Variants in KCTD19 observed in about 807,000 individuals in gnomAD.
KCTD19 encodes BTB/POZ domain-containing protein KCTD19.
Under a neutral mutation model 103.5 loss-of-function variants are expected in KCTD19, and 67 were observed. The observed-to-expected ratio is 0.65, with a 90% CI of 0.53 to 0.79. The LOEUF is 0.79. Ranked by LOEUF, KCTD19 falls within the 30% of genes least tolerant of loss-of-function variation. The pLI, the probability that KCTD19 is intolerant of heterozygous loss-of-function variation, is 0.00. For synonymous variants in KCTD19, 439 were observed against 452.2 expected, an observed-to-expected ratio of 0.97 and a Z score of 0.37; for missense variants, 980 against 1,136.1, an observed-to-expected ratio of 0.86 and a Z score of 1.98.
chr16:67,311,671 A>C (rs998069160), intron 2 of KCTD19, among the ~76,000 whole-genome samples: 8 of 152,018 alleles, frequency 5.3e-5, no homozygotes, highest in African/African-American at 1.9e-4. Context: ...GAGAGAAAGC[A>C]TGTGGGGTGC....
chr16:67,305,678 G>T, intron 2 of KCTD19: 1 of 447,418 alleles, frequency 2.2e-6, no homozygotes, highest in East Asian at 7.2e-5. Context: ...TACGCTAGAA[G>T]AAGATACATA....
chr16:67,306,649 A>C (rs2036896799), intron 2 of KCTD19, among the ~76,000 whole-genome samples: 1 of 152,110 alleles, frequency 6.6e-6, no homozygotes, highest in Admixed American at 6.5e-5. Flanking sequence ...CAAACATATG[A>C]GGTGAGTCCA....
rs1017672998 is a variant in KCTD19 at position 67,299,513 on chromosome 16, C to A, written c.836G>T (p.Ser279Ile). ...GTAGAGCGGTTTCACGGACTCCAGGCTGGCTGTGCGGGCCCCCTTCCCGGG... is the reference window on the plus strand; with the variant it reads ...GTAGAGCGGTTTCACGGACTCCAGGATGGCTGTGCGGGCCCCCTTCCCGGG... ...LSPGKGARTA[S>I]LESVKPLYTM... The change falls in exon 6 of 16, where the codon AGC becomes ATC. Residue 279 changes from serine (S) to isoleucine (I), a missense_variant. Ser to Ile is a moderately radical substitution (Grantham distance 142, BLOSUM62 -2). Transcript: ENST00000304372. 3.1e-6 allele frequency: 5 copies of A among 1,613,666 alleles called. No homozygotes were observed. Among genetic ancestry groups the A allele is most frequent in the Admixed American group, 1.7e-5 (1 of 59,974 alleles).
chr16:67,299,428 G>A lies in KCTD19; in HGVS notation c.921C>T (p.Ile307=), dbSNP rs746273786. ...YPDSALGQLR[I]ESTLDGSRLY... ...GTCGGCTTCCGTCTAGCGTGCTCTC[G>A]ATGCGAAGCTGGCCCAGCGCAGAGT... The change falls in exon 6 of 16, where the codon ATC becomes ATT. Residue 307 remains isoleucine, a synonymous_variant. Transcript: ENST00000304372. 2.1e-5 allele frequency: 34 copies of A among 1,614,128 alleles called. No individual in the cohort carries two copies. Among genetic ancestry groups the A allele is most frequent in the Admixed American group, 1.0e-4 (6 of 60,012 alleles).
At chr16:67,306,517 C>T (rs1057053780) in intron 2 of KCTD19, among the ~76,000 whole-genome samples, 7 of 152,266 alleles carry the variant, frequency 4.6e-5, no homozygotes, top group East Asian at 1.9e-4. Context: ...CCACCAGCCT[C>T]GGCTGGTGCT....
At chr16:67,318,609 A>G (rs1436342196) in intron 2 of KCTD19, among the ~76,000 whole-genome samples, 1 of 151,702 alleles carries the variant, frequency 6.6e-6, no homozygotes, top group Non-Finnish European at 1.5e-5. Context: ...TTTTGTTTCA[A>G]TTTGGGAAGT....
Position 67,296,223 on chromosome 16 carries a change from T to C in KCTD19, c.1184A>G (p.Gln395Arg). 6.2e-7 allele frequency: 1 copy of C among 1,613,680 alleles called. No homozygotes were observed. Among genetic ancestry groups the C allele is most frequent in the East Asian group, 2.2e-5 (1 of 44,878 alleles). ...WTAEITVYSP[Q>R]QIIKVYVGSH... is the part of the protein sequence containing the mutation. ...TCCAACATACACTTTGATGATCTGT[T>C]GTGGGGAATACACAGTGATCTCTGC... is the stretch of plus-strand genomic sequence containing the variant. The change falls in exon 8 of 16, where the codon CAA becomes CGA. Residue 395 changes from glutamine to arginine, a missense_variant. By Grantham distance (43) the Gln-to-Arg change is conservative (BLOSUM62 1). Coordinates refer to ENST00000304372, the MANE Select transcript of KCTD19 (RefSeq NM_001100915.3).
rs200379650 is a variant in KCTD19, at chr16:67,303,147, A to G, written c.642T>C (p.Ile214=). The change falls in exon 4 of 16, where the codon ATT becomes ATC. Residue 214 remains isoleucine, a splice_region_variant and synonymous_variant. Coordinates refer to ENST00000304372, the MANE Select transcript of KCTD19 (RefSeq NM_001100915.3). This position sits in a 1 kb window ranked among gnomAD's most constrained non-coding sequence, Gnocchi z 4.3. ...CCCCACCCCGGACAGAGCAATCACC[A>G]ATGAAGCGGAACTCGCTGCACTCGC... ...IECECSEFRF[I]VNFLRSQKIL... is the part of the protein sequence containing the mutation. 8.5e-6 allele frequency: 11 copies of G among 1,286,970 alleles called. No individual in the cohort carries two copies. The highest frequency in any genetic ancestry group is 2.3e-4 in the Middle Eastern group (1 of 4,392). The allele number at this position is 1,286,970 out of a possible 1,614,324, so 79.7% of individuals were successfully genotyped here.
chr16:67,304,123 T>C (rs2036866006), intron 3 of KCTD19, among the ~76,000 whole-genome samples: 1 of 152,132 alleles, frequency 6.6e-6, no homozygotes, highest in African/African-American at 2.4e-5. Flanking sequence ...TGTGTGGTGG[T>C]TGGAGGAAAC....
At chr16:67,322,298 C>CTT (rs565832620) in intron 1 of KCTD19, among the ~76,000 whole-genome samples, 15 of 138,248 alleles carry the variant, frequency 1.1e-4, no homozygotes, top group Admixed American at 2.2e-4. Flanking sequence ...ACTATAAAAT[C>CTT]TTTTTTTTTT....
rs144369944 is a variant in KCTD19 at position 67,313,401 on chromosome 16, C to T, written c.300+7188G>A. Among the ~76,000 whole-genome samples, 1,177 of 152,238 alleles carry T rather than the reference C, an allele frequency of 7.7e-3. 13 individuals are homozygous for T. The highest frequency in any genetic ancestry group is 0.019 in the East Asian group (96 of 5,176). Reference sequence around the variant, plus strand: ...TTAGGATTACAGGCGTGAGCCACCACGCCTGGCCTGAAATTTGTATTTCAT... The same window carrying T: ...TTAGGATTACAGGCGTGAGCCACCATGCCTGGCCTGAAATTTGTATTTCAT... On this transcript the variant is annotated intron_variant, in intron 2 of 15. Coordinates refer to ENST00000304372, the MANE Select transcript of KCTD19 (RefSeq NM_001100915.3).
At chr16:67,290,078 T>C (rs2142497556) in intron 15 of KCTD19, among the ~76,000 whole-genome samples, 2 of 152,082 alleles carry the variant, frequency 1.3e-5, no homozygotes, top group Middle Eastern at 3.4e-3. Context: ...CTAAATCGTT[T>C]CGGCCTCAAT....
rs111690831 is a variant in KCTD19 at position 67,306,457 on chromosome 16, G to A, written c.301-1886C>T. ...ATTTTTGGATTTCTAGTAGAGATGG[G>A]GTTTCACCATGTTGGCCAGGCTGGT... is the stretch of plus-strand genomic sequence containing the variant. On this transcript the variant is annotated intron_variant, in intron 2 of 15. Coordinates refer to ENST00000304372, the MANE Select transcript of KCTD19 (RefSeq NM_001100915.3). Among the ~76,000 whole-genome samples, 691 of 152,228 alleles carry A rather than the reference G, an allele frequency of 4.5e-3. 4 individuals are homozygous for A. The highest frequency in any genetic ancestry group is 0.015 in the African/African-American group (636 of 41,542).
rs767352301 is a variant in KCTD19, at chr16:67,303,299, G to A, written c.490C>T (p.Pro164Ser). ...DKAPLGLMDT[P>S]LLDTEEEVHY... ...ACCTCCTCTTCTGTGTCTAACAGGG[G>A]TGTGTCCATGAGCCCCAGAGGTGCC... Residue 164 changes from proline to serine, a missense_variant, in exon 4 of 16, where the codon CCC becomes TCC. Coordinates refer to ENST00000304372, the MANE Select transcript of KCTD19 (RefSeq NM_001100915.3). The surrounding 1 kb of genome is among the most constrained non-coding windows in gnomAD (Gnocchi z 4.3). 2.5e-6 allele frequency: 4 copies of A among 1,613,956 alleles called. No individual in the cohort carries two copies. The highest frequency in any genetic ancestry group is 3.4e-6 in the Non-Finnish European group (4 of 1,179,932).
chr16:67,291,749 C>A lies in KCTD19; in HGVS notation c.2307G>T (p.Val769=), dbSNP rs1485142932. Residue 769 remains valine (V), a synonymous_variant, in exon 13 of 16, where the codon GTG becomes GTT. Transcript: ENST00000304372. ...VILKVTHPPV[V]GSDGFCMFFE... is the part of the protein sequence containing the mutation. The stretch of plus-strand genomic sequence containing the variant: ...AGAACATGCAGAAGCCATCGCTGCC[C>A]ACCACGGGGGGGTGAGTCACTTTGA... 2 of 1,614,120 alleles carry A rather than the reference C, an allele frequency of 1.2e-6. No homozygotes were observed. The highest frequency in any genetic ancestry group is 3.3e-5 in the Admixed American group (2 of 60,028).
intron 2 of KCTD19, among the ~76,000 whole-genome samples, chr16:67,318,094 A>T (rs2037031579): frequency 1.3e-5 from 2 of 152,194 alleles, no homozygotes; most frequent in Admixed American, 6.5e-5. Flanking sequence ...ACTTGGGCCA[A>T]CTCAAATATT....
At chr16:67,314,830 T>TATATATATATATATAG (rs1430877802) in intron 2 of KCTD19, among the ~76,000 whole-genome samples, 2 of 33,652 alleles carry the variant, frequency 5.9e-5, no homozygotes, top group African/African-American at 4.3e-4. Flanking sequence ...TATATATATA[T>TATATATATATATATAG]AGAGAGAGAG....
rs755057692 is a variant in KCTD19 at position 67,297,540 on chromosome 16, A to G, written c.1110T>C (p.His370=). Residue 370 remains histidine (H), a synonymous_variant, in exon 7 of 16, where the codon CAT becomes CAC. Transcript: ENST00000304372. ...YEPIKVALKT[H]LEPRTLAPMD... ...TGGGTGCCAAAGTCCTTGGCTCCAG[A>G]TGAGTCTTCAAAGCAACTTTGATTG... 6.2e-7 allele frequency: 1 copy of G among 1,614,154 alleles called. No individual in the cohort carries two copies. The highest frequency in any genetic ancestry group is 1.1e-5 in the South Asian group (1 of 91,078).
chr16:67,293,666 G>C lies in KCTD19; in HGVS notation c.2096C>G (p.Pro699Arg). ...CGCTCCAGCTCCAGCCCCTGCCTGTGGTCCTGGATCCTTCTCTGAGGCTGT... is the reference window on the plus strand; with the variant it reads ...CGCTCCAGCTCCAGCCCCTGCCTGTCGTCCTGGATCCTTCTCTGAGGCTGT... ...HSTASEKDPG[P>R]QAGAGAGAKD... Residue 699 changes from proline to arginine, a missense_variant, in exon 12 of 16, where the codon CCA becomes CGA. Coordinates refer to ENST00000304372, the MANE Select transcript of KCTD19 (RefSeq NM_001100915.3). The surrounding 1 kb of genome is among the most constrained non-coding windows in gnomAD (Gnocchi z 4.0). 1 of 1,614,054 alleles carries C rather than the reference G, an allele frequency of 6.2e-7. No homozygotes were observed. Among genetic ancestry groups the C allele is most frequent in the Non-Finnish European group, 8.5e-7 (1 of 1,180,006 alleles).
Sources: gnomAD v4.1 joint callset for allele counts (sites outside exome capture counted in the v4.1 genomes callset) on GRCh38, gnomAD v4.1.1 for gene constraint, Gnocchi (gnomAD v3.1) non-coding constraint, MANE v1.5 for transcripts, NCBI Gene and HGNC (gene_info 2026-07-23, HGNC 2026-07-21) for gene names.